The following BANP variants were observed in gnomAD, a reference collection of about 807,000 sequenced individuals.
BANP encodes the protein BTG3 associated nuclear protein, also known as protein BANP.
Under a neutral mutation model 68.1 loss-of-function variants are expected in BANP, and 11 were observed. The ratio of observed to expected loss-of-function variants is 0.16; its 90% CI spans 0.10 to 0.27. BANP has a LOEUF of 0.27. Among genes scored for constraint, BANP ranks in the 10% least tolerant of loss-of-function variants. The pLI, the probability that BANP is intolerant of heterozygous loss-of-function variation, is 1.00. For missense variants in BANP, 504 were observed against 722.7 expected, an observed-to-expected ratio of 0.70 and a Z score of 3.47; for synonymous variants, 329 against 303.2, an observed-to-expected ratio of 1.09 and a Z score of -0.88.
intron 2 of BANP, among the ~76,000 whole-genome samples, chr16:87,975,572 C>CCT (rs541972668): frequency 0.31 from 39,338 of 128,374 alleles, 8,565 homozygotes; most frequent in Non-Finnish European, 0.44. Flanking sequence ...TGTGTAATCC[C>CCT]ATGTGCGGCG....
chr16:88,064,164 G>A lies in BANP; in HGVS notation c.1312-1103G>A, dbSNP rs1249079388. Reference sequence around the variant, plus strand: ...CTCTTCAGAGACGGCAGAGCACGAGGCTGGGGCAGGAGGTGTCGGGGGCTT... The same window carrying A: ...CTCTTCAGAGACGGCAGAGCACGAGACTGGGGCAGGAGGTGTCGGGGGCTT... On this transcript the variant is annotated intron_variant, in intron 11 of 13. Coordinates refer to ENST00000682872, the MANE Select transcript of BANP (RefSeq NM_001386991.1). This position sits in a 1 kb window ranked among gnomAD's most constrained non-coding sequence, Gnocchi z 4.5. Among the ~76,000 whole-genome samples, 1 of 151,664 alleles carries A rather than the reference G, an allele frequency of 6.6e-6. No individual in the cohort carries two copies. Among genetic ancestry groups the A allele is most frequent in the Non-Finnish European group, 1.5e-5 (1 of 67,900 alleles).
rs1157492022 is a variant in BANP at position 87,984,053 on chromosome 16, C to T, written c.163-7C>T. 4 of 1,613,722 alleles carry T rather than the reference C, an allele frequency of 2.5e-6. No individual in the cohort carries two copies. Among genetic ancestry groups the T allele is most frequent in the Non-Finnish European group, 3.4e-6 (4 of 1,179,846 alleles). ...CCTTCCTAAAGCCGGTCTTTTTTCA[C>T]TTCCAGTCATTCCTGTATTCCATCA... is the stretch of plus-strand genomic sequence containing the variant. On this transcript the variant is annotated splice_polypyrimidine_tract_variant and splice_region_variant and intron_variant, in intron 3 of 13. Coordinates refer to ENST00000682872, the MANE Select transcript of BANP (RefSeq NM_001386991.1).
At chr16:88,048,029 G>C (rs907165394) in intron 11 of BANP, among the ~76,000 whole-genome samples, 5 of 152,222 alleles carry the variant, frequency 3.3e-5, no homozygotes, top group Admixed American at 6.5e-5. Flanking sequence ...GGACGTGCAG[G>C]GCCGGCTCAA....
chr16:88,056,346 T>C (rs895282464), intron 11 of BANP, among the ~76,000 whole-genome samples: 2 of 152,216 alleles, frequency 1.3e-5, no homozygotes, highest in Non-Finnish European at 2.9e-5. Context: ...ATCATTTTTG[T>C]CCCATTGAAT....
At chr16:88,056,968 C>T (rs925102273) in intron 11 of BANP, among the ~76,000 whole-genome samples, 2 of 152,164 alleles carry the variant, frequency 1.3e-5, no homozygotes, top group African/African-American at 4.8e-5. Flanking sequence ...ATCATGAAAA[C>T]ATATAGAACA....
At chr16:88,034,229 G>A (rs1395362219) in intron 9 of BANP, among the ~76,000 whole-genome samples, 4 of 152,176 alleles carry the variant, frequency 2.6e-5, no homozygotes, top group African/African-American at 9.7e-5. Flanking sequence ...TATTTAATAA[G>A]CTTATTAATT....
At chr16:87,965,665 T>C (rs1410288958) in intron 1 of BANP, among the ~76,000 whole-genome samples, 2 of 152,140 alleles carry the variant, frequency 1.3e-5, no homozygotes, top group African/African-American at 2.4e-5. Flanking sequence ...CTGAGGTTGA[T>C]TGGATGTGGA....
At chr16:88,045,082 A>G (rs2081665019) in intron 11 of BANP, among the ~76,000 whole-genome samples, 1 of 152,244 alleles carries the variant, frequency 6.6e-6, no homozygotes, top group Admixed American at 6.5e-5. Context: ...TGAATTGGGA[A>G]GCTTTTAAAA....
intron 7 of BANP, among the ~76,000 whole-genome samples, chr16:88,026,351 G>A (rs1193985572): frequency 2.0e-5 from 3 of 152,180 alleles, no homozygotes; most frequent in African/African-American, 7.2e-5. Flanking sequence ...GAGAGGCGTC[G>A]GGAATGACAT....
intron 6 of BANP, among the ~76,000 whole-genome samples, chr16:88,007,215 T>C (rs949650459): frequency 2.0e-5 from 3 of 152,206 alleles, no homozygotes; most frequent in African/African-American, 7.2e-5. Flanking sequence ...CCTTTCGTTA[T>C]TGAAACTAGC....
chr16:88,077,157 G>A lies in BANP; in HGVS notation c.*496G>A, dbSNP rs894284364. The A allele has an allele frequency of 1.2e-5, 2 of 160,478 alleles. No individual in the cohort carries two copies. Among genetic ancestry groups the A allele is most frequent in the African/African-American group, 4.8e-5 (2 of 41,368 alleles). 9.9% of individuals were successfully genotyped at this position (160,478 alleles called of 1,614,324 possible). A position where few individuals can be genotyped will look rare whatever the true frequency, so the allele number is the denominator to read the frequency against. On this transcript the variant is annotated 3_prime_UTR_variant, in exon 14 of 14. Coordinates refer to ENST00000682872, the MANE Select transcript of BANP (RefSeq NM_001386991.1). ...TGTGCTCTGTCCAGTGTCATGAGACGGGAGCCCTTTGCTGTGTGCTCTGTC... is the reference window on the plus strand; with the variant it reads ...TGTGCTCTGTCCAGTGTCATGAGACAGGAGCCCTTTGCTGTGTGCTCTGTC...
rs182127052 is a variant in BANP, at chr16:87,992,406, A to G, written c.362+8147A>G. Among the ~76,000 whole-genome samples, 263 of 152,286 alleles carry G rather than the reference A, an allele frequency of 1.7e-3. 2 individuals are homozygous for G. The highest frequency in any genetic ancestry group is 6.1e-3 in the African/African-American group (254 of 41,566). On this transcript the variant is annotated intron_variant, in intron 4 of 13. Coordinates refer to ENST00000682872, the MANE Select transcript of BANP (RefSeq NM_001386991.1). ...GCCCCTTATTGTCTATTTTCTGAAA[A>G]TGTTTCTGTGAGATTAGTTTTATTT...
In BANP at chr16:88,004,874, A is replaced by AGGTG. The variant is rs2070509403; in HGVS notation, c.479+466_479+469dup. Among the ~76,000 whole-genome samples the AGGTG allele has an allele frequency of 6.6e-6, 1 of 152,104 alleles. No individual in the cohort carries two copies. The highest frequency in any genetic ancestry group is 2.4e-5 in the African/African-American group (1 of 41,418). Reference sequence around the variant, plus strand: ...ACATTTTGAATGGAACTTTGGTCAGAGGTGGGAGTGGACAGAAGACACCGT... The same window carrying AGGTG: ...ACATTTTGAATGGAACTTTGGTCAGAGGTGGGTGGGAGTGGACAGAAGACACCGT... On this transcript the variant is annotated intron_variant, in intron 5 of 13. Coordinates refer to ENST00000682872, the MANE Select transcript of BANP (RefSeq NM_001386991.1). The surrounding 1 kb of genome is among the most constrained non-coding windows in gnomAD (Gnocchi z 7.0).
chr16:87,982,630 C>T (rs12933009), intron 3 of BANP: 51,888 of 152,140 alleles, frequency 0.34, 10,282 homozygotes, highest in Non-Finnish European at 0.47. Flanking sequence ...CTCTCACACG[C>T]GCCTTCAACA....
At chr16:88,062,911 C>G (rs965915524) in intron 11 of BANP, among the ~76,000 whole-genome samples, 10 of 152,326 alleles carry the variant, frequency 6.6e-5, no homozygotes, top group African/African-American at 2.4e-4. Context: ...CTGCACAGAT[C>G]CCAGGGCGCT....
At chr16:88,007,864 T>C (rs1188797437) in intron 6 of BANP, among the ~76,000 whole-genome samples, 1 of 151,912 alleles carries the variant, frequency 6.6e-6, no homozygotes, top group Non-Finnish European at 1.5e-5. Flanking sequence ...TTTTTTTTTT[T>C]CCAAGTTGAG....
At chr16:87,998,564 G>A (rs1482994877) in intron 4 of BANP, among the ~76,000 whole-genome samples, 3 of 65,588 alleles carry the variant, frequency 4.6e-5, no homozygotes, top group African/African-American at 1.3e-4. Context: ...CTCCATGCAC[G>A]CACGTGCGCG....
rs1330352534 is a variant in BANP at position 88,071,375 on chromosome 16, C to T, written c.1378-694C>T. 1.4e-5 allele frequency: 6 copies of T among 415,394 alleles called. No homozygotes were observed. The highest frequency in any genetic ancestry group is 6.1e-5 in the African/African-American group (3 of 48,854). The allele number at this position is 415,394 out of a possible 1,614,324, so 25.7% of individuals were successfully genotyped here. A position where few individuals can be genotyped will look rare whatever the true frequency, so the allele number is the denominator to read the frequency against. ...CCCAGTGGATTGAGTGGGAAGTGGG[C>T]CTGGGTGCTTACAGGCGATGGGGTC... On this transcript the variant is annotated intron_variant, in intron 12 of 13. Coordinates refer to ENST00000682872, the MANE Select transcript of BANP (RefSeq NM_001386991.1). This position sits in a 1 kb window ranked among gnomAD's most constrained non-coding sequence, Gnocchi z 6.5.
rs1598478326 is a variant in BANP at position 88,018,787 on chromosome 16, G to T, written c.895+120G>T. Reference sequence around the variant, plus strand: ...GCACGGGGCTGCGTTTCTCCAGGCGGTTTGAAATCTCAGCCCGAGGATCAG... The same window carrying T: ...GCACGGGGCTGCGTTTCTCCAGGCGTTTTGAAATCTCAGCCCGAGGATCAG... On this transcript the variant is annotated intron_variant, in intron 7 of 13. Transcript: ENST00000682872. This position sits in a 1 kb window ranked among gnomAD's most constrained non-coding sequence, Gnocchi z 7.7. 4.6e-6 allele frequency: 6 copies of T among 1,311,910 alleles called. No homozygotes were observed. In the East Asian group the frequency reaches 1.5e-4, roughly 33 times the overall value. 81.3% of individuals were successfully genotyped at this position (1,311,910 alleles called of 1,614,324 possible). A position where few individuals can be genotyped will look rare whatever the true frequency, so the allele number is the denominator to read the frequency against.
Sources: allele counts gnomAD v4.1 joint callset (sites outside exome capture counted in the v4.1 genomes callset), GRCh38; gene constraint gnomAD v4.1.1; non-coding constraint Gnocchi (gnomAD v3.1); transcripts MANE v1.5; gene names NCBI Gene and HGNC (gene_info 2026-07-23, HGNC 2026-07-21).